The following RGS17 variants were observed in gnomAD, a reference collection of about 807,000 sequenced individuals.
The protein encoded by RGS17 is regulator of G-protein signaling 17.
RGS17 carries 12 observed loss-of-function variants against 25.5 expected under a neutral mutation model. The ratio of observed to expected loss-of-function variants is 0.47; its 90% CI spans 0.30 to 0.76. The LOEUF (loss-of-function observed/expected upper bound fraction) is 0.76, where lower values mean the gene tolerates loss of function less well. Among genes scored for constraint, RGS17 ranks in the 30% least tolerant of loss-of-function variants. The probability of loss-of-function intolerance (pLI) is 0.07; values close to 1 mark genes in which losing one functional copy is unlikely to be tolerated. For synonymous variants in RGS17, 71 were observed against 76.9 expected, an observed-to-expected ratio of 0.92 and a Z score of 0.40; for missense variants, 196 against 242.2, an observed-to-expected ratio of 0.81 and a Z score of 1.27.
intron 1 of RGS17, among the ~76,000 whole-genome samples, chr6:153,112,177 G>T (rs139789230): frequency 1.3e-5 from 2 of 152,042 alleles, no homozygotes; most frequent in East Asian, 1.9e-4. Flanking sequence ...TAAGAACCTT[G>T]AAAAAAGGTT....
At chr6:153,076,193 G>A (rs1776875789) in intron 1 of RGS17, among the ~76,000 whole-genome samples, 2 of 151,966 alleles carry the variant, frequency 1.3e-5, no homozygotes, top group Non-Finnish European at 2.9e-5. Flanking sequence ...ATATAAACAA[G>A]GAAATCTTAA....
At chr6:153,066,837 C>G (rs550584632) in intron 1 of RGS17, among the ~76,000 whole-genome samples, 2 of 151,990 alleles carry the variant, frequency 1.3e-5, no homozygotes, top group African/African-American at 2.4e-5. Context: ...GTCAGGAGAT[C>G]GAGACCATCC....
chr6:153,129,753 G>A (rs1430543175), intron 1 of RGS17, among the ~76,000 whole-genome samples: 1 of 152,242 alleles, frequency 6.6e-6, no homozygotes, highest in Non-Finnish European at 1.5e-5. Context: ...TAACTCTGAA[G>A]AGTGTGAAGT....
intron 1 of RGS17, among the ~76,000 whole-genome samples, chr6:153,066,051 AAG>A (rs1230420011): frequency 6.6e-6 from 1 of 152,154 alleles, no homozygotes; most frequent in Non-Finnish European, 1.5e-5. Context: ...CTAAGAAAAA[AAG>A]AGAGAAGATC....
intron 4 of RGS17, among the ~76,000 whole-genome samples, chr6:153,018,028 T>C (rs1387693242): frequency 2.0e-5 from 3 of 152,220 alleles, no homozygotes; most frequent in Non-Finnish European, 4.4e-5. Flanking sequence ...TTATTTCTCC[T>C]GAAAATAATG....
At chr6:153,086,716 C>A (rs377599665) in intron 1 of RGS17, among the ~76,000 whole-genome samples, 2 of 152,114 alleles carry the variant, frequency 1.3e-5, no homozygotes, top group Non-Finnish European at 2.9e-5. Flanking sequence ...TAAGATACAG[C>A]GAGGTTAATA....
chr6:153,090,173 T>A (rs144792067), intron 1 of RGS17, among the ~76,000 whole-genome samples: 124 of 152,236 alleles, frequency 8.1e-4, no homozygotes, highest in Middle Eastern at 3.4e-3. Flanking sequence ...AAGGAAAAGT[T>A]GGGAAACTGG....
At chr6:153,089,190 T>G (rs1409528183) in intron 1 of RGS17, among the ~76,000 whole-genome samples, 2 of 150,844 alleles carry the variant, frequency 1.3e-5, no homozygotes, top group African/African-American at 2.4e-5. Context: ...GCATGCATTA[T>G]GAAACACATT....
chr6:153,127,789 G>A (rs1017665225), intron 1 of RGS17, among the ~76,000 whole-genome samples: 3 of 152,142 alleles, frequency 2.0e-5, no homozygotes, highest in Non-Finnish European at 2.9e-5. Context: ...CCATAAACAC[G>A]AGTTTTAGGA....
chr6:153,019,315 C>T (rs573271485), intron 4 of RGS17, among the ~76,000 whole-genome samples: 1 of 152,290 alleles, frequency 6.6e-6, no homozygotes, highest in East Asian at 1.9e-4. Flanking sequence ...AGATACATAT[C>T]TTATATTTAT....
intron 1 of RGS17, among the ~76,000 whole-genome samples, chr6:153,057,181 A>G (rs1776572804): frequency 6.6e-6 from 1 of 151,168 alleles, no homozygotes; most frequent in Admixed American, 6.6e-5. Context: ...GGGTATTTTG[A>G]TATATATTAT....
At chr6:153,090,851 G>A (rs1777120459) in intron 1 of RGS17, among the ~76,000 whole-genome samples, 1 of 150,690 alleles carries the variant, frequency 6.6e-6, no homozygotes, top group Non-Finnish European at 1.5e-5. Flanking sequence ...AAAAAACATA[G>A]TATATATATA....
intron 2 of RGS17, among the ~76,000 whole-genome samples, chr6:153,036,785 G>C (rs971054664): frequency 1.3e-5 from 2 of 151,940 alleles, no homozygotes; most frequent in African/African-American, 4.8e-5. Flanking sequence ...ATTTTTTCTT[G>C]AATATGCACT....
intron 1 of RGS17, among the ~76,000 whole-genome samples, chr6:153,108,465 C>T (rs568974812): frequency 1.4e-3 from 216 of 152,084 alleles, no homozygotes; most frequent in Non-Finnish European, 2.5e-3. Flanking sequence ...TGGGAAATTC[C>T]TGGAGGGAAG....
intron 1 of RGS17, among the ~76,000 whole-genome samples, chr6:153,083,157 T>C (rs1206716967): frequency 6.6e-6 from 1 of 152,278 alleles, no homozygotes; most frequent in South Asian, 2.1e-4. Flanking sequence ...TCTGAAAAGT[T>C]CCCTCCTCTG....
intron 1 of RGS17, among the ~76,000 whole-genome samples, chr6:153,047,247 G>C (rs1776396009): frequency 6.6e-6 from 1 of 152,168 alleles, no homozygotes; most frequent in African/African-American, 2.4e-5. Flanking sequence ...TAGAATATAA[G>C]AAACAGAACT....
intron 1 of RGS17, among the ~76,000 whole-genome samples, chr6:153,060,715 C>CT (rs564824203): frequency 9.6e-4 from 140 of 146,334 alleles, no homozygotes; most frequent in African/African-American, 1.2e-3. Flanking sequence ...GTTTATCGCA[C>CT]TTTTTTTTTT....
At chr6:153,122,953 A>C (rs570711) in intron 1 of RGS17, among the ~76,000 whole-genome samples, 18,379 of 150,746 alleles carry the variant, frequency 0.12, 1,215 homozygotes, top group Admixed American at 0.16. Context: ...CATTGGAGTA[A>C]ATTGGAGTAT....
chr6:153,080,571 T>G (rs1162301121), intron 1 of RGS17, among the ~76,000 whole-genome samples: 1 of 152,158 alleles, frequency 6.6e-6, no homozygotes. Context: ...AATATTGTAT[T>G]AATTTTATCA....
Sources: gnomAD v4.1 joint callset for allele counts (sites outside exome capture counted in the v4.1 genomes callset) on GRCh38, gnomAD v4.1.1 for gene constraint, MANE v1.5 for transcripts, NCBI Gene and HGNC (gene_info 2026-07-23, HGNC 2026-07-21) for gene names.